The following KCTD1 variants were observed in gnomAD, a reference collection of about 807,000 sequenced individuals.
KCTD1 encodes the protein BTB/POZ domain-containing protein KCTD1.
KCTD1 carries 24 observed loss-of-function variants against 66.0 expected under a neutral mutation model. That is an observed-to-expected ratio of 0.36 (90% confidence interval 0.26 to 0.51). The LOEUF (loss-of-function observed/expected upper bound fraction) is 0.51, where lower values mean the gene tolerates loss of function less well. Ranked by LOEUF, KCTD1 falls within the 20% of genes least tolerant of loss-of-function variation. The pLI, the probability that KCTD1 is intolerant of heterozygous loss-of-function variation, is 0.95. For synonymous variants in KCTD1, 511 were observed against 517.2 expected (o/e 0.99, Z 0.16); for missense variants, 943 against 1,205.2 (o/e 0.78, Z 3.22).
intron 1 of KCTD1, among the ~76,000 whole-genome samples, chr18:26,522,582 A>C (rs1983965269): frequency 1.3e-5 from 2 of 152,194 alleles, no homozygotes; most frequent in African/African-American, 4.8e-5. Flanking sequence ...GTTTTACTCC[A>C]GCTACATAGG....
rs143649820 is a variant in KCTD1, at chr18:26,628,755, G to C, written c.-16+392C>G. The stretch of plus-strand genomic sequence containing the variant: ...CCTAAAGAATTATTTTTGGGGAAGG[G>C]GTATGGGGTGGAGTTATAAGAGCCT... On this transcript the variant is annotated intron_variant, in intron 1 of 4. Coordinates refer to the KCTD1 transcript ENST00000317932. 6.4e-3 allele frequency among the ~76,000 whole-genome samples: 974 copies of C among 152,192 alleles called. 10 individuals are homozygous for C. The highest frequency in any genetic ancestry group is 0.022 in the African/African-American group (925 of 41,522).
intron 3 of KCTD1, among the ~76,000 whole-genome samples, chr18:26,474,481 CAT>C (rs1462800512): frequency 2.0e-5 from 3 of 152,160 alleles, no homozygotes; most frequent in African/African-American, 4.8e-5. Flanking sequence ...GTATATTACA[CAT>C]CTTTTTAATT....
intron 1 of KCTD1, among the ~76,000 whole-genome samples, chr18:26,606,705 C>A (rs1209633470): frequency 1.3e-5 from 2 of 152,212 alleles, no homozygotes; most frequent in African/African-American, 4.8e-5. Flanking sequence ...GGCTGACCTG[C>A]TGGCCGACCT....
intron 1 of KCTD1, among the ~76,000 whole-genome samples, chr18:26,577,754 T>C (rs1986259489): frequency 6.6e-6 from 1 of 152,012 alleles, no homozygotes; most frequent in Admixed American, 6.6e-5. Context: ...TTTGTTTTTT[T>C]GTAGAGATGA....
At position 26,547,449 on chromosome 18, in the gene KCTD1, C is replaced by G; in HGVS notation, c.1088G>C (p.Ser363Thr). Reference protein sequence around the residue: ...PYHKSRSSSWSKKRAESSDEE... With the variant: ...PYHKSRSSSWTKKRAESSDEE... Reference sequence around the variant, plus strand: ...GTCGCTGCTCTCGGCGCGCTTCTTGCTCCACGACGACGAGCGCGACTTGTG... The same window carrying G: ...GTCGCTGCTCTCGGCGCGCTTCTTGGTCCACGACGACGAGCGCGACTTGTG... Residue 363 changes from serine to threonine, a missense_variant, in exon 1 of 5, where the codon AGC (serine) becomes ACC (threonine). By Grantham distance (58) the Ser-to-Thr change is moderately conservative. Transcript: ENST00000580059. 1 of 1,551,508 alleles carries G rather than the reference C, an allele frequency of 6.4e-7. No individual in the cohort carries two copies. Among genetic ancestry groups the G allele is most frequent in the Non-Finnish European group, 8.7e-7 (1 of 1,146,944 alleles).
intron 1 of KCTD1, among the ~76,000 whole-genome samples, chr18:26,647,513 C>T (rs1987950289): frequency 2.3e-5 from 1 of 43,198 alleles, no homozygotes; most frequent in Non-Finnish European, 4.9e-5. Context: ...GAGTGAGACT[C>T]CATCTCAAAA....
intron 1 of KCTD1, among the ~76,000 whole-genome samples, chr18:26,535,639 C>T (rs1984667155): frequency 6.6e-6 from 1 of 152,134 alleles, no homozygotes; most frequent in Admixed American, 6.5e-5. Flanking sequence ...ATTCTGTTTT[C>T]AAAAGACACA....
chr18:26,470,984 G>T (rs1981026559), intron 3 of KCTD1, among the ~76,000 whole-genome samples: 1 of 152,190 alleles, frequency 6.6e-6, no homozygotes, highest in South Asian at 2.1e-4. Context: ...GAGCTTTCTG[G>T]GCCTTGTGGG....
intron 1 of KCTD1, among the ~76,000 whole-genome samples, chr18:26,505,393 G>A (rs1443254745): frequency 6.6e-6 from 1 of 152,252 alleles, no homozygotes; most frequent in African/African-American, 2.4e-5. Flanking sequence ...GAGTGCTGAA[G>A]ACTATTTCGA....
chr18:26,577,540 T>C (rs1230453838), intron 1 of KCTD1, among the ~76,000 whole-genome samples: 3 of 132,462 alleles, frequency 2.3e-5, no homozygotes, highest in South Asian at 4.8e-4. Context: ...TGAGCATTTC[T>C]TAATTTTTTT....
chr18:26,520,022 A>T (rs557327637), intron 1 of KCTD1, among the ~76,000 whole-genome samples: 1 of 152,376 alleles, frequency 6.6e-6, no homozygotes, highest in South Asian at 2.1e-4. Flanking sequence ...CTCAATGTCA[A>T]ATCTCACAAT....
At chr18:26,592,548 G>A (rs962313185) in intron 1 of KCTD1, among the ~76,000 whole-genome samples, 3 of 152,030 alleles carry the variant, frequency 2.0e-5, no homozygotes, top group South Asian at 2.1e-4. Context: ...ATTCAGCCCC[G>A]CCTAGTAAAC....
At chr18:26,599,862 C>G in intron 1 of KCTD1, 1 of 1,551,032 alleles carries the variant, frequency 6.4e-7, no homozygotes, top group South Asian at 1.1e-5. Context: ...AAAGTGACAG[C>G]CTGCTGTTTG....
intron 1 of KCTD1, among the ~76,000 whole-genome samples, chr18:26,512,225 T>A (rs904261424): frequency 2.0e-5 from 3 of 152,032 alleles, no homozygotes; most frequent in Non-Finnish European, 4.4e-5. Flanking sequence ...TGCCTCAGCC[T>A]CCCGAGTAGC....
intron 2 of KCTD1, among the ~76,000 whole-genome samples, chr18:26,488,379 A>G (rs1195396932): frequency 6.6e-6 from 1 of 152,060 alleles, no homozygotes; most frequent in African/African-American, 2.4e-5. Flanking sequence ...TACTTAAAAG[A>G]GCATTCTTTT....
At chr18:26,656,306 C>A (rs1384957796) in intron 1 of KCTD1, among the ~76,000 whole-genome samples, 1 of 152,200 alleles carries the variant, frequency 6.6e-6, no homozygotes, top group African/African-American at 2.4e-5. Context: ...ATCCTTCCCC[C>A]GTCCCAGCGC....
At chr18:26,460,033 A>T (rs1980333510) in intron 3 of KCTD1, 108 bp from the exon 4 acceptor site, 1 of 800,888 alleles carries the variant, frequency 1.2e-6, no homozygotes, top group Non-Finnish European at 2.0e-6. Context: ...TCACTAATCA[A>T]ATCTGCATGT....
At chr18:26,644,181 A>G (rs577293193), upstream of KCTD1, among the ~76,000 whole-genome samples, 123 of 152,300 alleles carry the variant, frequency 8.1e-4, no homozygotes, top group Middle Eastern at 3.4e-3. Flanking sequence ...AGTGCCTAAC[A>G]TAGAAAAAGC....
At chr18:26,605,771 T>G (rs1258165667) in intron 1 of KCTD1, among the ~76,000 whole-genome samples, 1 of 147,804 alleles carries the variant, frequency 6.8e-6, no homozygotes, top group Admixed American at 6.9e-5. Context: ...TATCTATCTA[T>G]ATTACATCTT....
Sources: allele counts gnomAD v4.1 joint callset (sites outside exome capture counted in the v4.1 genomes callset), GRCh38; gene constraint gnomAD v4.1.1; transcripts MANE v1.5; gene names NCBI Gene and HGNC (gene_info 2026-07-23, HGNC 2026-07-21).